ISM1: variants seen among roughly 807,000 people sequenced by gnomAD.
The protein encoded by ISM1 is isthmin 1, also known as isthmin-1.
ISM1 carries 25 observed loss-of-function variants against 46.3 expected under a neutral mutation model. That is an observed-to-expected ratio of 0.54 (90% CI 0.39 to 0.75). The LOEUF is 0.75. ISM1 is among the 30% of genes least tolerant of loss of function. The probability of loss-of-function intolerance (pLI) is 0.00; values close to 1 mark genes in which losing one functional copy is unlikely to be tolerated. For synonymous variants in ISM1, 255 were observed against 256.7 expected, an observed-to-expected ratio of 0.99 and a Z score of 0.06; for missense variants, 536 against 625.4, an observed-to-expected ratio of 0.86 and a Z score of 1.52.
At position 13,221,432 on chromosome 20, in the gene ISM1, C is replaced by T. The variant is rs1263008814; in HGVS notation, c.-345C>T. ...CAGCAGGGTGGCCTCCGGCCCGGCCCGGGTCCCGGGCTGTCCCGGGACCCA... is the reference window on the plus strand; with the variant it reads ...CAGCAGGGTGGCCTCCGGCCCGGCCTGGGTCCCGGGCTGTCCCGGGACCCA... On this transcript the variant is annotated 5_prime_UTR_variant, in exon 1 of 6. Coordinates refer to ENST00000262487, the MANE Select transcript of ISM1 (RefSeq NM_080826.2). Among the ~76,000 whole-genome samples the T allele has an allele frequency of 2.7e-5, 4 of 146,698 alleles. No individual in the cohort carries two copies. The highest frequency in any genetic ancestry group is 2.1e-4 in the East Asian group (1 of 4,874).
chr20:13,252,558 C>T (rs2039879391), intron 1 of ISM1, among the ~76,000 whole-genome samples: 1 of 152,142 alleles, frequency 6.6e-6, no homozygotes, highest in African/African-American at 2.4e-5. Context: ...CAAGACCAGC[C>T]TGACCAACAT....
intron 5 of ISM1, among the ~76,000 whole-genome samples, chr20:13,295,901 G>T (rs1272441740): frequency 6.6e-6 from 1 of 152,218 alleles, no homozygotes; most frequent in Non-Finnish European, 1.5e-5. Flanking sequence ...AGCATCCACA[G>T]CAGGTTCCCT....
At chr20:13,286,417 T>C (rs2040293587) in intron 3 of ISM1, among the ~76,000 whole-genome samples, 2 of 151,930 alleles carry the variant, frequency 1.3e-5, no homozygotes, top group South Asian at 4.2e-4. Flanking sequence ...TAAGAGATGG[T>C]AGAGAGGAAA....
At chr20:13,262,702 A>T (rs1350439771) in intron 1 of ISM1, among the ~76,000 whole-genome samples, 1 of 152,192 alleles carries the variant, frequency 6.6e-6, no homozygotes, top group East Asian at 1.9e-4. Context: ...CAGTTTACAG[A>T]AGTATTCAAG....
the ISM1 span, among the ~76,000 whole-genome samples, chr20:13,311,023 A>G: frequency 6.6e-6 from 1 of 152,130 alleles, no homozygotes; most frequent in Non-Finnish European, 1.5e-5. Flanking sequence ...GTGAAACCCC[A>G]TCTCTACTGA....
intron 1 of ISM1, among the ~76,000 whole-genome samples, chr20:13,262,545 A>G (rs573357867): frequency 4.8e-4 from 73 of 151,826 alleles, no homozygotes; most frequent in African/African-American, 1.7e-3. Flanking sequence ...AGAATAATTT[A>G]TCCTTCATTT....
Position 13,268,421 on chromosome 20 carries a change from AAT to A in ISM1, c.139-2081_139-2080del, listed in dbSNP as rs1423884324. On this transcript the variant is annotated intron_variant, in intron 1 of 5. Coordinates refer to ENST00000262487, the MANE Select transcript of ISM1 (RefSeq NM_080826.2). Reference sequence around the variant, plus strand: ...CTCTCTCTCCATGCTAGGTTCAAACAATAATACATTTGGCCTCTGTTGCATTG... The same window carrying A: ...CTCTCTCTCCATGCTAGGTTCAAACAAATACATTTGGCCTCTGTTGCATTG... 1.3e-4 allele frequency among the ~76,000 whole-genome samples: 18 copies of A among 134,542 alleles called. No homozygotes were observed. The Admixed American group carries it at 1.4e-3, about 11-fold the overall frequency. 88.3% of individuals were successfully genotyped at this position (134,542 alleles called of 152,430 possible). A position where few individuals can be genotyped will look rare whatever the true frequency, so the allele number is the denominator to read the frequency against.
the ISM1 span, among the ~76,000 whole-genome samples, chr20:13,311,212 T>TAGA: frequency 1.1e-3 from 116 of 108,994 alleles, no homozygotes; most frequent in Middle Eastern, 0.012. Context: ...TAGATATAGA[T>TAGA]AGATGATAGA....
chr20:13,295,225 C>A (rs2040395899), intron 5 of ISM1, among the ~76,000 whole-genome samples: 1 of 152,176 alleles, frequency 6.6e-6, no homozygotes, highest in South Asian at 2.1e-4. Flanking sequence ...CCTGCTGTTT[C>A]CTCCCAGAGT....
chr20:13,311,419 C>T, the ISM1 span, among the ~76,000 whole-genome samples: 1 of 152,176 alleles, frequency 6.6e-6, no homozygotes. Flanking sequence ...TGTAATCTAG[C>T]AATCCCACTC....
intron 2 of ISM1, among the ~76,000 whole-genome samples, chr20:13,275,032 A>C (rs6109791): frequency 0.27 from 41,638 of 152,126 alleles, 5,785 homozygotes; most frequent in East Asian, 0.42. Context: ...TGCAGCTGAT[A>C]GTCAGATATC....
At chr20:13,302,730 C>G (rs952105903), downstream of ISM1, among the ~76,000 whole-genome samples, 1 of 152,194 alleles carries the variant, frequency 6.6e-6, no homozygotes, top group African/African-American at 2.4e-5. Context: ...GCTCTTTTGC[C>G]TTCCCCTGGA....
chr20:13,274,634 T>C (rs115207781), intron 2 of ISM1, among the ~76,000 whole-genome samples: 2,273 of 152,036 alleles, frequency 0.015, 59 homozygotes, highest in African/African-American at 0.051. Context: ...GCTAAGCCCA[T>C]GCAAGAGTCC....
At position 13,232,440 on chromosome 20, in the gene ISM1, G is replaced by A. The variant is rs117677104; in HGVS notation, c.138+10526G>A. ...CATGATATGGCTTTTTGCTCATGTT[G>A]AGATTCATTCATGTTGTTCTGTGCA... On this transcript the variant is annotated intron_variant, in intron 1 of 5. Coordinates refer to ENST00000262487, the MANE Select transcript of ISM1 (RefSeq NM_080826.2). Among the ~76,000 whole-genome samples, 8 of 152,306 alleles carry A rather than the reference G, an allele frequency of 5.3e-5. No homozygotes were observed. The East Asian group carries it at 1.5e-3, about 29-fold the overall frequency.
At chr20:13,258,686 G>T (rs1422258423) in intron 1 of ISM1, among the ~76,000 whole-genome samples, 1 of 152,042 alleles carries the variant, frequency 6.6e-6, no homozygotes, top group Non-Finnish European at 1.5e-5. Context: ...AATTCTCGTT[G>T]GTGAGAACAA....
chr20:13,233,048 G>A (rs1252806147), intron 1 of ISM1, among the ~76,000 whole-genome samples: 1 of 151,272 alleles, frequency 6.6e-6, no homozygotes, highest in African/African-American at 2.4e-5. Context: ...AAAACAGGCC[G>A]GAAAAGTGTC....
chr20:13,233,339 T>C (rs1198319919), intron 1 of ISM1, among the ~76,000 whole-genome samples: 1 of 152,098 alleles, frequency 6.6e-6, no homozygotes, highest in Non-Finnish European at 1.5e-5. Context: ...CTCATGCCTG[T>C]AATCCTAGCA....
chr20:13,221,720 T>TCACCGC lies in ISM1; in HGVS notation c.-55_-50dup, dbSNP rs1188371812. The TCACCGC allele has an allele frequency of 3.0e-6, 4 of 1,322,456 alleles. No individual in the cohort carries two copies. Among genetic ancestry groups the TCACCGC allele is most frequent in the African/African-American group, 3.1e-5 (2 of 64,484 alleles). The allele number at this position is 1,322,456 out of a possible 1,614,324, so 81.9% of individuals were successfully genotyped here. The stretch of plus-strand genomic sequence containing the variant: ...GGCTCCTACTCCTCCTCCCCCGGCG[T>TCACCGC]CACCGCCGCCGCCGCCGGCCGCCGC... On this transcript the variant is annotated 5_prime_UTR_variant, in exon 1 of 6. Transcript: ENST00000262487.
Position 13,279,718 on chromosome 20 carries a change from T to C in ISM1, c.463T>C (p.Ser155Pro), listed in dbSNP as rs2123281551. 1 of 1,613,882 alleles carries C rather than the reference T, an allele frequency of 6.2e-7. No homozygotes were observed. Among genetic ancestry groups the C allele is most frequent in the Non-Finnish European group, 8.5e-7 (1 of 1,179,856 alleles). ...PENKPSWSVP[S>P]PDWRAWWQRS... Reference sequence around the variant, plus strand: ...GAATAAGCCCAGCTGGTCAGTCCCATCCCCCGACTGGCGGGCCTGGTGGCA... The same window carrying C: ...GAATAAGCCCAGCTGGTCAGTCCCACCCCCCGACTGGCGGGCCTGGTGGCA... The change falls in exon 3 of 6, where the codon TCC becomes CCC. Residue 155 changes from serine (S) to proline (P), a missense_variant. Physicochemically the swap from Ser to Pro is moderately conservative, Grantham distance 74. Coordinates refer to ENST00000262487, the MANE Select transcript of ISM1 (RefSeq NM_080826.2).
Sources: gnomAD v4.1 joint callset for allele counts (sites outside exome capture counted in the v4.1 genomes callset) on GRCh38, gnomAD v4.1.1 for gene constraint, MANE v1.5 for transcripts, NCBI Gene and HGNC (gene_info 2026-07-23, HGNC 2026-07-21) for gene names.